USP53: variants seen among roughly 807,000 people sequenced by gnomAD.
USP53 encodes ubiquitin specific peptidase 53.
USP53 carries 71 observed loss-of-function variants against 94.9 expected under a neutral mutation model. The observed-to-expected ratio is 0.75, with a 90% confidence interval of 0.62 to 0.91. The LOEUF is 0.91. Among genes scored for constraint, USP53 ranks in the 40% least tolerant of loss-of-function variants. The pLI is 0.00. For synonymous variants in USP53, 375 were observed against 422.7 expected, an observed-to-expected ratio of 0.89 and a Z score of 1.39; for missense variants, 1,173 against 1,281.0, an observed-to-expected ratio of 0.92 and a Z score of 1.29.
chr4:119,290,013 G>A (rs1163634664), intron 17 of USP53, among the ~76,000 whole-genome samples: 1 of 152,162 alleles, frequency 6.6e-6, no homozygotes, highest in Non-Finnish European at 1.5e-5. Context: ...TATTAGAGCT[G>A]TTTTAGTTAA....
intron 9 of USP53, among the ~76,000 whole-genome samples, chr4:119,258,185 T>C (rs1219849241): frequency 6.6e-6 from 1 of 152,198 alleles, no homozygotes; most frequent in Non-Finnish European, 1.5e-5. Context: ...GAATTAAGAT[T>C]GAAACCCAGA....
intron 17 of USP53, among the ~76,000 whole-genome samples, chr4:119,286,111 T>C (rs1754082129): frequency 6.6e-6 from 1 of 151,836 alleles, no homozygotes; most frequent in African/African-American, 2.4e-5. Context: ...CATAAATATT[T>C]ATCTAGTTAA....
intron 3 of USP53, among the ~76,000 whole-genome samples, chr4:119,233,172 CTCTT>C (rs1463666277): frequency 4.5e-5 from 6 of 134,270 alleles, no homozygotes; most frequent in African/African-American, 5.5e-5. Flanking sequence ...GTTTCTCTCT[CTCTT>C]TTTTTTTTTT....
Position 119,267,317 on chromosome 4 carries a change from A to G in USP53, c.973-3A>G. 1 of 1,609,728 alleles carries G rather than the reference A, an allele frequency of 6.2e-7. No homozygotes were observed. The highest frequency in any genetic ancestry group is 8.5e-7 in the Non-Finnish European group (1 of 1,178,812). On this transcript the variant is annotated splice_region_variant and splice_polypyrimidine_tract_variant and intron_variant, in intron 12 of 18. Transcript: ENST00000692078. ...GTCTTTATTCATTGTGTTTTTTTAA[A>G]AGATTGGAACTAGATGGAAAGATGT...
At chr4:119,282,604 C>T (rs567890195) in intron 17 of USP53, among the ~76,000 whole-genome samples, 7 of 152,058 alleles carry the variant, frequency 4.6e-5, no homozygotes, top group African/African-American at 7.2e-5. Flanking sequence ...AAGCCTACTA[C>T]GGTTCTCTAA....
In USP53 at chr4:119,223,789, G is replaced by A. The variant is rs1049656288; in HGVS notation, c.-665+6116G>A. On this transcript the variant is annotated intron_variant, in intron 3 of 18. Coordinates refer to ENST00000692078, the MANE Select transcript of USP53 (RefSeq NM_001371395.1). ...CCTAATTTTAGCTCTACTACTTACAGTCTCTAAAAACGAGTCCATTACTAA... is the reference window on the plus strand; with the variant it reads ...CCTAATTTTAGCTCTACTACTTACAATCTCTAAAAACGAGTCCATTACTAA... Among the ~76,000 whole-genome samples the A allele has an allele frequency of 3.3e-5, 5 of 152,248 alleles. No individual in the cohort carries two copies. The South Asian group carries it at 1.0e-3, about 32-fold the overall frequency.
chr4:119,273,604 T>A (rs1330811974), intron 16 of USP53, 28 bp from the exon 17 acceptor site: 1 of 1,569,364 alleles, frequency 6.4e-7, no homozygotes, highest in Non-Finnish European at 8.7e-7. Flanking sequence ...TAATACCTGA[T>A]GTGTTTAGTG....
intron 9 of USP53, among the ~76,000 whole-genome samples, chr4:119,257,774 T>C (rs1749969413): frequency 6.6e-6 from 1 of 152,244 alleles, no homozygotes; most frequent in Non-Finnish European, 1.5e-5. Context: ...TAGAGAAACA[T>C]TCCTAAACTT....
At chr4:119,266,661 T>G (rs1293364322) in intron 12 of USP53, among the ~76,000 whole-genome samples, 1 of 152,216 alleles carries the variant, frequency 6.6e-6, no homozygotes, top group Non-Finnish European at 1.5e-5. Flanking sequence ...ATTAATGTGT[T>G]GTAGGAATTC....
At chr4:119,230,730 G>C (rs1483584908) in intron 3 of USP53, among the ~76,000 whole-genome samples, 1 of 152,194 alleles carries the variant, frequency 6.6e-6, no homozygotes, top group African/African-American at 2.4e-5. Context: ...AATCGAGAGA[G>C]AAGAGGGCAG....
intron 18 of USP53, 35 bp from the exon 19 acceptor site, chr4:119,292,303 G>C: frequency 6.6e-7 from 1 of 1,520,426 alleles, no homozygotes; most frequent in South Asian, 1.4e-5. Context: ...ATTTGCATAG[G>C]GTGTTCTAGC....
At chr4:119,246,623 G>A (rs1748278301) in intron 6 of USP53, among the ~76,000 whole-genome samples, 1 of 152,222 alleles carries the variant, frequency 6.6e-6, no homozygotes, top group African/African-American at 2.4e-5. Flanking sequence ...GGTTTAGATT[G>A]TGTAGGGCCT....
At position 119,295,192 on chromosome 4, in the gene USP53, T is replaced by C. The variant is rs1420631997; in HGVS notation, c.*1981T>C. 2.0e-5 allele frequency: 3 copies of C among 152,184 alleles called. No individual in the cohort carries two copies. Among genetic ancestry groups the C allele is most frequent in the Non-Finnish European group, 4.4e-5 (3 of 68,016 alleles). 9.4% of individuals were successfully genotyped at this position (152,184 alleles called of 1,614,324 possible). A position where few individuals can be genotyped will look rare whatever the true frequency, so the allele number is the denominator to read the frequency against. ...AATAGAAATGTCCAGTTTTGCCTCT[T>C]TTAAGTACTGTCCAGTTGAAACCTC... On this transcript the variant is annotated 3_prime_UTR_variant, in exon 19 of 19. Transcript: ENST00000692078.
Position 119,239,596 on chromosome 4 carries a change from T to C in USP53, c.-164T>C. 2 of 784,602 alleles carry C rather than the reference T, an allele frequency of 2.5e-6. No individual in the cohort carries two copies. Among genetic ancestry groups the C allele is most frequent in the Non-Finnish European group, 1.9e-6 (1 of 527,082 alleles). The allele number at this position is 784,602 out of a possible 1,614,324, so 48.6% of individuals were successfully genotyped here. On this transcript the variant is annotated 5_prime_UTR_variant, in exon 5 of 19. Coordinates refer to ENST00000692078, the MANE Select transcript of USP53 (RefSeq NM_001371395.1). ...ACCCTATTGTTACTTGTCAGAGTCTTTAAGAGTTTATAACATCAGGAAAGA... is the reference window on the plus strand; with the variant it reads ...ACCCTATTGTTACTTGTCAGAGTCTCTAAGAGTTTATAACATCAGGAAAGA...
At chr4:119,250,511 C>T (rs1001259978) in intron 7 of USP53, among the ~76,000 whole-genome samples, 1 of 152,144 alleles carries the variant, frequency 6.6e-6, no homozygotes, top group Non-Finnish European at 1.5e-5. Context: ...ATATACTTTC[C>T]ATATTTCTTC....
At chr4:119,245,511 T>A in intron 6 of USP53, 82 bp downstream of exon 6, 1 of 1,176,236 alleles carries the variant, frequency 8.5e-7, no homozygotes, top group African/African-American at 1.5e-5. Flanking sequence ...CAGTTTGTTG[T>A]AACTAAAGTT....
chr4:119,272,657 C>A (rs1350803681), intron 16 of USP53: 2 of 152,402 alleles, frequency 1.3e-5, no homozygotes, highest in South Asian at 4.1e-4. Flanking sequence ...CTGCCTTGGC[C>A]TCCCAAAGTG....
intron 4 of USP53, among the ~76,000 whole-genome samples, chr4:119,238,882 A>T (rs955861120): frequency 6.6e-6 from 1 of 152,192 alleles, no homozygotes; most frequent in Non-Finnish European, 1.5e-5. Flanking sequence ...ATATGATTCT[A>T]TGTAAGAAGG....
chr4:119,261,587 A>G, intron 11 of USP53, 128 bp from the exon 12 acceptor site: 2 of 619,710 alleles, frequency 3.2e-6, no homozygotes, highest in Non-Finnish European at 5.0e-6. Flanking sequence ...AAGTAATAAT[A>G]TAATATTAGA....
Sources: allele counts gnomAD v4.1 joint callset (sites outside exome capture counted in the v4.1 genomes callset), GRCh38; gene constraint gnomAD v4.1.1; transcripts MANE v1.5; gene names NCBI Gene and HGNC (gene_info 2026-07-23, HGNC 2026-07-21).